Variants in ADK observed in about 807,000 individuals in gnomAD.
ADK encodes adenosine kinase.
In ADK, 24 loss-of-function variants were observed where a neutral mutation model predicts 44.7. That is an observed-to-expected ratio of 0.54 (90% confidence interval 0.39 to 0.76). The LOEUF (loss-of-function observed/expected upper bound fraction) is 0.76, where lower values mean the gene tolerates loss of function less well. Among genes scored for constraint, ADK ranks in the 30% least tolerant of loss-of-function variants. ADK has a pLI of 0.00. For missense variants in ADK, 321 were observed against 425.1 expected, an observed-to-expected ratio of 0.76 and a Z score of 2.15; for synonymous variants, 128 against 142.6, an observed-to-expected ratio of 0.90 and a Z score of 0.73.
intron 4 of ADK, among the ~76,000 whole-genome samples, chr10:74,362,975 A>G (rs893240174): frequency 6.6e-6 from 1 of 152,166 alleles, no homozygotes; most frequent in Non-Finnish European, 1.5e-5. Flanking sequence ...CACAGATGGG[A>G]TAGGTCCCTG....
intron 9 of ADK, among the ~76,000 whole-genome samples, chr10:74,634,344 A>C (rs969193142): frequency 7.2e-5 from 11 of 151,918 alleles, no homozygotes; most frequent in Non-Finnish European, 1.6e-4. Flanking sequence ...CCTCCCAAGT[A>C]GCTGGGACTA....
intron 4 of ADK, among the ~76,000 whole-genome samples, chr10:74,368,801 T>C (rs1320216520): frequency 6.6e-6 from 1 of 152,116 alleles, no homozygotes; most frequent in Non-Finnish European, 1.5e-5. Context: ...CAACTAATTA[T>C]ATTTTTAGTA....
intron 1 of ADK, among the ~76,000 whole-genome samples, chr10:74,155,956 A>T (rs1841738045): frequency 6.6e-6 from 1 of 152,210 alleles, no homozygotes; most frequent in South Asian, 2.1e-4. Context: ...TTTTACTTAT[A>T]TTCGCAAATT....
intron 7 of ADK, among the ~76,000 whole-genome samples, chr10:74,561,901 A>G (rs571760036): frequency 2.6e-5 from 4 of 152,320 alleles, no homozygotes; most frequent in South Asian, 2.1e-4. Flanking sequence ...GTAATTTTCT[A>G]TAATGGATTC....
At chr10:74,198,959 CAT>C (rs1843262784) in intron 1 of ADK, among the ~76,000 whole-genome samples, 2 of 151,928 alleles carry the variant, frequency 1.3e-5, no homozygotes, top group African/African-American at 4.8e-5. Context: ...GTATAGGAAA[CAT>C]AAGACATGAA....
chr10:74,398,190 G>A (rs2126764), intron 5 of ADK, among the ~76,000 whole-genome samples: 2,033 of 151,984 alleles, frequency 0.013, 47 homozygotes, highest in African/African-American at 0.047. Flanking sequence ...AACTATTAAG[G>A]TGTAAAAAGT....
intron 6 of ADK, among the ~76,000 whole-genome samples, chr10:74,404,750 G>T (rs946893972): frequency 6.6e-6 from 1 of 152,134 alleles, no homozygotes; most frequent in Non-Finnish European, 1.5e-5. Flanking sequence ...GCTTTGGGAG[G>T]TCAAGATGGG....
intron 7 of ADK, among the ~76,000 whole-genome samples, chr10:74,545,976 T>C (rs957366552): frequency 1.3e-5 from 2 of 152,194 alleles, no homozygotes; most frequent in African/African-American, 2.4e-5. Context: ...GTTTTCTTTC[T>C]CTTAGCAAGG....
chr10:74,477,641 T>C (rs1010427074), intron 6 of ADK, among the ~76,000 whole-genome samples: 3 of 152,180 alleles, frequency 2.0e-5, no homozygotes, highest in African/African-American at 7.2e-5. Context: ...CTTTTCAGGA[T>C]CTCCTTGACC....
chr10:74,644,156 G>A (rs762770588), intron 9 of ADK, among the ~76,000 whole-genome samples: 13 of 152,126 alleles, frequency 8.5e-5, no homozygotes, highest in East Asian at 3.8e-4. Flanking sequence ...ACTTTAATCC[G>A]TATTAATATT....
At chr10:74,591,505 T>C (rs1851716708) in intron 8 of ADK, among the ~76,000 whole-genome samples, 1 of 152,192 alleles carries the variant, frequency 6.6e-6, no homozygotes, top group African/African-American at 2.4e-5. Flanking sequence ...TAATCAAATG[T>C]AATCCATGTA....
chr10:74,404,139 T>A (rs1346509338), intron 6 of ADK, among the ~76,000 whole-genome samples: 1 of 151,642 alleles, frequency 6.6e-6, no homozygotes, highest in Non-Finnish European at 1.5e-5. Flanking sequence ...CCCAAAGTTC[T>A]GGGATTACAG....
intron 4 of ADK, among the ~76,000 whole-genome samples, chr10:74,362,045 CTTCT>C (rs1293227228): frequency 2.0e-5 from 3 of 152,104 alleles, no homozygotes; most frequent in African/African-American, 7.2e-5. Context: ...CTAGAGTAGT[CTTCT>C]TTGTGTTTAA....
At chr10:74,177,945 A>ATATATT (rs10693309) in intron 1 of ADK, among the ~76,000 whole-genome samples, 4,075 of 108,722 alleles carry the variant, frequency 0.037, 112 homozygotes, top group Middle Eastern at 0.057. Context: ...ATATATATAT[A>ATATATT]TTTTTTTTTT....
intron 7 of ADK, among the ~76,000 whole-genome samples, chr10:74,549,629 G>A (rs895371373): frequency 4.0e-5 from 6 of 151,714 alleles, no homozygotes; most frequent in African/African-American, 1.5e-4. Context: ...TAGAGATGGG[G>A]TTTTGCCATG....
chr10:74,529,220 A>G (rs887743691), intron 7 of ADK: 22 of 152,212 alleles, frequency 1.4e-4, no homozygotes, highest in Admixed American at 3.9e-4. Flanking sequence ...TGAATTTTGG[A>G]AATACTATGT....
At chr10:74,618,842 TTATC>T (rs1354897631) in intron 9 of ADK, among the ~76,000 whole-genome samples, 1 of 152,204 alleles carries the variant, frequency 6.6e-6, no homozygotes, top group Admixed American at 6.5e-5. Flanking sequence ...TTCCTTTTAT[TTATC>T]CTGCTGGGAT....
intron 8 of ADK, among the ~76,000 whole-genome samples, chr10:74,593,461 A>G (rs1851786221): frequency 6.8e-6 from 1 of 147,244 alleles, no homozygotes; most frequent in Non-Finnish European, 1.5e-5. Context: ...AAAAATATGA[A>G]TATCTAGCAA....
At chr10:74,585,673 T>C (rs1851504629) in intron 7 of ADK, among the ~76,000 whole-genome samples, 1 of 152,184 alleles carries the variant, frequency 6.6e-6, no homozygotes, top group South Asian at 2.1e-4. Flanking sequence ...AGCCTGTAAA[T>C]ATAATGATTA....
Sources: gnomAD v4.1 joint callset for allele counts (sites outside exome capture counted in the v4.1 genomes callset) on GRCh38, gnomAD v4.1.1 for gene constraint, MANE v1.5 for transcripts, NCBI Gene and HGNC (gene_info 2026-07-23, HGNC 2026-07-21) for gene names.